Variants in CPE observed in about 807,000 individuals in gnomAD.
CPE encodes the protein carboxypeptidase E.
In CPE, 17 loss-of-function variants were observed where a neutral mutation model predicts 53.5. That is an observed-to-expected ratio of 0.32 (90% CI 0.22 to 0.48). The LOEUF (loss-of-function observed/expected upper bound fraction) is 0.48. Among genes scored for constraint, CPE ranks in the 20% least tolerant of loss-of-function variants. The pLI is 0.99. For synonymous variants in CPE, 226 were observed against 228.8 expected (o/e 0.99, Z 0.11); for missense variants, 524 against 614.7 (o/e 0.85, Z 1.56).
chr4:165,393,279 T>C (rs745372233), intron 1 of CPE, among the ~76,000 whole-genome samples: 1 of 152,220 alleles, frequency 6.6e-6, no homozygotes, highest in African/African-American at 2.4e-5. Context: ...CCAGCTGCAT[T>C]TGTCTAACAC....
At chr4:165,496,650 C>T (rs974461833) in intron 8 of CPE, among the ~76,000 whole-genome samples, 5 of 152,292 alleles carry the variant, frequency 3.3e-5, no homozygotes, top group African/African-American at 1.2e-4. Flanking sequence ...GGGCTGCCTA[C>T]TTTGAATAGC....
intron 3 of CPE, among the ~76,000 whole-genome samples, chr4:165,474,264 A>C (rs72703695): frequency 0.15 from 22,106 of 152,172 alleles, 1,933 homozygotes; most frequent in East Asian, 0.23. Context: ...CATAAGGGCA[A>C]TGGGTTCCAA....
chr4:165,414,931 T>A lies in CPE; in HGVS notation c.307+35403T>A, dbSNP rs555030888. On this transcript the variant is annotated intron_variant, in intron 1 of 8. Transcript: ENST00000402744. ...CCAGATTGGAAAAACAGCCATTATTTAAAAAAAAAAACAAAATATAATTAG... is the reference window on the plus strand; with the variant it reads ...CCAGATTGGAAAAACAGCCATTATTAAAAAAAAAAAACAAAATATAATTAG... Among the ~76,000 whole-genome samples, 444 of 145,134 alleles carry A rather than the reference T, an allele frequency of 3.1e-3. 1 individual carries two copies. The highest frequency in any genetic ancestry group is 5.1e-3 in the Admixed American group (74 of 14,498).
At chr4:165,414,374 A>C (rs544117610) in intron 1 of CPE, among the ~76,000 whole-genome samples, 1 of 152,230 alleles carries the variant, frequency 6.6e-6, no homozygotes, top group Admixed American at 6.5e-5. Context: ...GATCTGCTTT[A>C]AAGAAGAGTA....
At chr4:165,481,014 ATATTTT>A (rs1210600200) in intron 3 of CPE, among the ~76,000 whole-genome samples, 4 of 53,008 alleles carry the variant, frequency 7.5e-5, no homozygotes, top group African/African-American at 1.7e-4. Context: ...ATATATATAT[ATATTTT>A]TTTTTTTTTT....
At chr4:165,410,541 AT>A (rs1238221963) in intron 1 of CPE, among the ~76,000 whole-genome samples, 3 of 152,198 alleles carry the variant, frequency 2.0e-5, no homozygotes, top group Non-Finnish European at 2.9e-5. Flanking sequence ...TGAAGTAGAA[AT>A]TTAGTAATAC....
intron 6 of CPE, among the ~76,000 whole-genome samples, chr4:165,488,948 G>A (rs1732555655): frequency 6.6e-6 from 1 of 152,168 alleles, no homozygotes; most frequent in African/African-American, 2.4e-5. Context: ...GACTGTCGTG[G>A]AATAGATCCA....
chr4:165,394,025 A>T (rs1288279863), intron 1 of CPE, among the ~76,000 whole-genome samples: 2 of 152,168 alleles, frequency 1.3e-5, no homozygotes, highest in African/African-American at 4.8e-5. Flanking sequence ...TAAAGTGGAT[A>T]AAAAGGAGAG....
At chr4:165,383,409 T>C (rs919292361) in intron 1 of CPE, among the ~76,000 whole-genome samples, 4 of 152,230 alleles carry the variant, frequency 2.6e-5, no homozygotes, top group African/African-American at 9.6e-5. Context: ...TATTAACTTA[T>C]GTCTAAGTAA....
chr4:165,411,635 C>T (rs1731044351), intron 1 of CPE, among the ~76,000 whole-genome samples: 1 of 152,128 alleles, frequency 6.6e-6, no homozygotes, highest in African/African-American at 2.4e-5. Context: ...CACATGGAAA[C>T]CTTGTGATGC....
chr4:165,405,937 A>G (rs1730946100), intron 1 of CPE: 4 of 731,374 alleles, frequency 5.5e-6, no homozygotes, highest in South Asian at 4.1e-5. Flanking sequence ...CAGTCACAAC[A>G]GGCTTTATGG....
chr4:165,462,525 C>T (rs1201289878), intron 1 of CPE, among the ~76,000 whole-genome samples: 4 of 152,158 alleles, frequency 2.6e-5, no homozygotes, highest in African/African-American at 7.2e-5. Context: ...CCCCTGGCTA[C>T]TTGCTCTCTC....
chr4:165,482,247 T>G lies in CPE; in HGVS notation c.678T>G (p.Ala226=). 1.2e-6 allele frequency: 2 copies of G among 1,607,800 alleles called. No homozygotes were observed. Among genetic ancestry groups the G allele is most frequent in the Non-Finnish European group, 8.5e-7 (1 of 1,174,662 alleles). ...KKIVDQNTKL[A]PETKAVIHWI... The stretch of plus-strand genomic sequence containing the variant: ...TTAATCTCTCATCTGAACAGCTTGC[T>G]CCTGAGACCAAGGCTGTCATTCATT... Residue 226 remains alanine, a synonymous_variant, in exon 4 of 9, where the codon GCT becomes GCG. Coordinates refer to ENST00000402744, the MANE Select transcript of CPE (RefSeq NM_001873.4).
intron 4 of CPE, among the ~76,000 whole-genome samples, chr4:165,483,838 G>A (rs1270184502): frequency 6.6e-6 from 1 of 152,082 alleles, no homozygotes; most frequent in Non-Finnish European, 1.5e-5. Context: ...TTTAGATATT[G>A]GAAACTGAGT....
chr4:165,402,033 T>C (rs1473157800), intron 1 of CPE, among the ~76,000 whole-genome samples: 2 of 152,164 alleles, frequency 1.3e-5, no homozygotes, highest in East Asian at 3.9e-4. Flanking sequence ...ATGGACAGAT[T>C]ATTTTATTTT....
rs1197832611 is a variant in CPE, at chr4:165,497,568, G to A, written c.1389G>A (p.Leu463=). 1.3e-6 allele frequency: 2 copies of A among 1,579,334 alleles called. No individual in the cohort carries two copies. Among genetic ancestry groups the A allele is most frequent in the South Asian group, 2.4e-5 (2 of 82,822 alleles). Residue 463 remains leucine, a synonymous_variant, in exon 9 of 9, where the codon TTG becomes TTA. Coordinates refer to ENST00000402744, the MANE Select transcript of CPE (RefSeq NM_001873.4). ...GGAAAGAAGAGGAGAAGGAAGAATT[G>A]ATGGAATGGTGGAAAATGATGTCAG... ...SERKEEEKEE[L]MEWWKMMSET... is the part of the protein sequence containing the mutation.
intron 1 of CPE, among the ~76,000 whole-genome samples, chr4:165,394,532 G>A (rs2126657406): frequency 6.6e-6 from 1 of 152,184 alleles, no homozygotes; most frequent in East Asian, 1.9e-4. Context: ...TGTGTCGCTG[G>A]AAGTTAAGGG....
chr4:165,403,715 TTGTC>T, intron 1 of CPE, among the ~76,000 whole-genome samples: 1 of 151,930 alleles, frequency 6.6e-6, no homozygotes, highest in African/African-American at 2.4e-5. Flanking sequence ...TGTTATGTGT[TTGTC>T]TGGGTGCAGA....
intron 3 of CPE, among the ~76,000 whole-genome samples, chr4:165,479,933 A>C (rs1210587522): frequency 1.3e-5 from 2 of 151,020 alleles, no homozygotes; most frequent in Admixed American, 6.6e-5. Context: ...CGGAGCTTGC[A>C]GTGAACCAAG....
Sources: gnomAD v4.1 joint callset for allele counts (sites outside exome capture counted in the v4.1 genomes callset) on GRCh38, gnomAD v4.1.1 for gene constraint, MANE v1.5 for transcripts, NCBI Gene and HGNC (gene_info 2026-07-23, HGNC 2026-07-21) for gene names.